The following PPP2R2B variants were observed in gnomAD, a reference collection of about 807,000 sequenced individuals.
PPP2R2B encodes protein phosphatase 2 regulatory subunit Bbeta.
PPP2R2B carries 5 observed loss-of-function variants against 46.0 expected under a neutral mutation model. The observed-to-expected ratio is 0.11, with a 90% confidence interval of 0.06 to 0.23. The LOEUF (loss-of-function observed/expected upper bound fraction) is 0.23, where lower values mean the gene tolerates loss of function less well. Ranked by LOEUF, PPP2R2B falls within the 10% of genes least tolerant of loss-of-function variation. The probability of loss-of-function intolerance (pLI) is 1.00; values close to 1 mark genes in which losing one functional copy is unlikely to be tolerated. For missense variants in PPP2R2B, 367 were observed against 575.0 expected (o/e 0.64, Z 3.70); for synonymous variants, 215 against 206.7 (o/e 1.04, Z -0.34).
chr5:146,787,273 T>C (rs565461356), intron 2 of PPP2R2B, among the ~76,000 whole-genome samples: 7 of 152,324 alleles, frequency 4.6e-5, no homozygotes, highest in Admixed American at 2.6e-4. Context: ...GGGTGATCAC[T>C]ATTGGCCAAC....
intron 2 of PPP2R2B, among the ~76,000 whole-genome samples, chr5:146,768,079 C>CTT (rs139475418): frequency 4.2e-4 from 61 of 144,958 alleles, no homozygotes; most frequent in African/African-American, 1.4e-3. Context: ...AATTGGTTTT[C>CTT]TTTTTTTTTT....
At chr5:146,948,947 AT>A (rs1256741737) in intron 1 of PPP2R2B, among the ~76,000 whole-genome samples, 1 of 152,104 alleles carries the variant, frequency 6.6e-6, no homozygotes, top group Non-Finnish European at 1.5e-5. Flanking sequence ...AAATCACAGA[AT>A]CTCAGAAAGG....
chr5:146,858,296 G>A (rs917082956), intron 2 of PPP2R2B, among the ~76,000 whole-genome samples: 3 of 152,014 alleles, frequency 2.0e-5, no homozygotes, highest in Non-Finnish European at 1.5e-5. Flanking sequence ...AAATGTATGT[G>A]GTCCAGTGCA....
chr5:146,800,550 G>A (rs1454289380), intron 2 of PPP2R2B, among the ~76,000 whole-genome samples: 1 of 138,064 alleles, frequency 7.2e-6, no homozygotes, highest in East Asian at 2.2e-4. Flanking sequence ...TAAGTTCTCA[G>A]AGCTAAATAC....
At chr5:147,032,358 C>T (rs1243141551) in intron 1 of PPP2R2B, among the ~76,000 whole-genome samples, 2 of 152,188 alleles carry the variant, frequency 1.3e-5, no homozygotes, top group African/African-American at 4.8e-5. Context: ...TACCACCTTA[C>T]TCCTGTAAGA....
intron 2 of PPP2R2B, among the ~76,000 whole-genome samples, chr5:146,821,717 A>T (rs924534654): frequency 6.6e-6 from 1 of 152,102 alleles, no homozygotes; most frequent in Non-Finnish European, 1.5e-5. Flanking sequence ...CTCAGTTAAG[A>T]CTCAATAAAA....
chr5:146,864,382 C>T (rs1761183815), intron 2 of PPP2R2B, among the ~76,000 whole-genome samples: 1 of 109,612 alleles, frequency 9.1e-6, no homozygotes, highest in South Asian at 3.2e-4. Flanking sequence ...CATTCAACCA[C>T]ACATAGTATT....
intron 1 of PPP2R2B, among the ~76,000 whole-genome samples, chr5:146,984,826 A>G (rs1328882604): frequency 6.6e-6 from 1 of 152,036 alleles, no homozygotes; most frequent in Non-Finnish European, 1.5e-5. Context: ...GTGATTACAA[A>G]TGTTGAGCAT....
intron 1 of PPP2R2B, among the ~76,000 whole-genome samples, chr5:146,908,039 C>T (rs951206560): frequency 3.9e-5 from 6 of 152,158 alleles, no homozygotes; most frequent in African/African-American, 7.2e-5. Context: ...CCCACAGCCA[C>T]GTTCTTTACA....
chr5:146,927,405 C>T (rs976375393), intron 1 of PPP2R2B, among the ~76,000 whole-genome samples: 1 of 152,124 alleles, frequency 6.6e-6, no homozygotes, highest in African/African-American at 2.4e-5. Flanking sequence ...ATCTTTCTTG[C>T]ACATATAAGA....
chr5:146,622,675 C>G (rs528816174), intron 7 of PPP2R2B, among the ~76,000 whole-genome samples: 298 of 152,304 alleles, frequency 2.0e-3, no homozygotes, highest in African/African-American at 6.8e-3. Flanking sequence ...TCCCTCTCCC[C>G]CTTCCACCAC....
chr5:147,041,429 G>A (rs957384909), intron 1 of PPP2R2B, among the ~76,000 whole-genome samples: 3 of 152,136 alleles, frequency 2.0e-5, no homozygotes, highest in Non-Finnish European at 4.4e-5. Flanking sequence ...AGAGAATTGG[G>A]CATTATAAAC....
At chr5:146,847,536 A>G (rs1408260931) in intron 2 of PPP2R2B, among the ~76,000 whole-genome samples, 2 of 152,168 alleles carry the variant, frequency 1.3e-5, no homozygotes, top group African/African-American at 4.8e-5. Flanking sequence ...TGCAAGGGAA[A>G]GCATCTCCTG....
intron 8 of PPP2R2B, 62 bp downstream of exon 8, chr5:146,600,229 G>C: frequency 6.5e-7 from 1 of 1,548,350 alleles, no homozygotes. Context: ...GGAAGCAGGG[G>C]CTGACTTAAA....
At chr5:146,900,741 T>C (rs1012002131) in intron 1 of PPP2R2B, among the ~76,000 whole-genome samples, 77 of 152,142 alleles carry the variant, frequency 5.1e-4, no homozygotes, top group African/African-American at 1.8e-3. Flanking sequence ...ACCTAGGTAT[T>C]AAGCCGGGCA....
intron 1 of PPP2R2B, among the ~76,000 whole-genome samples, chr5:146,926,085 G>C (rs911722930): frequency 1.3e-5 from 2 of 151,934 alleles, no homozygotes; most frequent in African/African-American, 4.8e-5. Context: ...TAGTTCTTTG[G>C]AAATATTTAT....
At chr5:147,061,435 G>A (rs185704324) in intron 2 of PPP2R2B, among the ~76,000 whole-genome samples, 12 of 152,206 alleles carry the variant, frequency 7.9e-5, no homozygotes, top group African/African-American at 1.2e-4. Context: ...TATCCTCACC[G>A]AGATTTCCTC....
At chr5:147,010,409 A>G (rs2151877020) in intron 1 of PPP2R2B, among the ~76,000 whole-genome samples, 1 of 152,290 alleles carries the variant, frequency 6.6e-6, no homozygotes, top group Non-Finnish European at 1.5e-5. Context: ...ATAATTATAC[A>G]ACTCACCATA....
chr5:146,603,456 C>T (rs1771969554), intron 7 of PPP2R2B, among the ~76,000 whole-genome samples: 2 of 152,212 alleles, frequency 1.3e-5, no homozygotes, highest in Non-Finnish European at 1.5e-5. Context: ...TGTAAAGCCT[C>T]ACAATGACAC....
Sources: gnomAD v4.1 joint callset for allele counts (sites outside exome capture counted in the v4.1 genomes callset) on GRCh38, gnomAD v4.1.1 for gene constraint, MANE v1.5 for transcripts, NCBI Gene and HGNC (gene_info 2026-07-23, HGNC 2026-07-21) for gene names.